MYLK4: variants seen among roughly 807,000 people sequenced by gnomAD.
The protein encoded by MYLK4 is myosin light chain kinase family member 4, also known as caMLCK like.
In MYLK4, 46 loss-of-function variants were observed where a neutral mutation model predicts 48.1. The observed-to-expected ratio is 0.96, with a 90% CI of 0.75 to 1.22. The LOEUF is 1.22. MYLK4 is among the 50% of genes most tolerant of loss of function. The probability of loss-of-function intolerance (pLI) is 0.00; values close to 1 mark genes in which losing one functional copy is unlikely to be tolerated. For missense variants in MYLK4, 451 were observed against 486.1 expected, an observed-to-expected ratio of 0.93 and a Z score of 0.68; for synonymous variants, 170 against 180.8, an observed-to-expected ratio of 0.94 and a Z score of 0.48.
chr6:2,726,053 T>C (rs1212851845), intron 2 of MYLK4, among the ~76,000 whole-genome samples: 3 of 152,118 alleles, frequency 2.0e-5, no homozygotes, highest in African/African-American at 7.2e-5. Flanking sequence ...TTCCAAGGAG[T>C]AAGCAGTGGC....
the MYLK4 span, among the ~76,000 whole-genome samples, chr6:2,769,035 C>T: frequency 6.6e-6 from 1 of 152,208 alleles, no homozygotes; most frequent in African/African-American, 2.4e-5. Context: ...TTTCTCCATA[C>T]ATTTCTTAGT....
At chr6:2,669,313 G>A (rs561680043) in intron 12 of MYLK4, among the ~76,000 whole-genome samples, 9 of 152,286 alleles carry the variant, frequency 5.9e-5, no homozygotes, top group South Asian at 2.1e-4. Flanking sequence ...TGCTGTCTGC[G>A]TCCTCTGCAC....
intron 8 of MYLK4, 101 bp downstream of exon 8, chr6:2,680,120 G>C (rs989889654): frequency 6.2e-6 from 8 of 1,298,666 alleles, no homozygotes; most frequent in African/African-American, 1.5e-5. Context: ...TTATAAATGA[G>C]ATCATGAAAC....
chr6:2,750,225 A>G (rs1764246583), intron 1 of MYLK4, among the ~76,000 whole-genome samples: 1 of 152,192 alleles, frequency 6.6e-6, no homozygotes, highest in Non-Finnish European at 1.5e-5. Flanking sequence ...TTCTCCGCTT[A>G]AAAACCGTAT....
intron 3 of MYLK4, among the ~76,000 whole-genome samples, chr6:2,689,857 G>C (rs1355466817): frequency 2.0e-5 from 3 of 152,208 alleles, no homozygotes; most frequent in African/African-American, 7.2e-5. Context: ...CAGGCACTCT[G>C]CCAAGTGTTA....
At chr6:2,763,281 T>C in the MYLK4 span, among the ~76,000 whole-genome samples, 44,112 of 152,220 alleles carry the variant, frequency 0.29, 6,579 homozygotes, top group East Asian at 0.4. Context: ...CTCCCATTAA[T>C]TTCTGAACTG....
intron 2 of MYLK4, among the ~76,000 whole-genome samples, chr6:2,721,092 C>T (rs1286555201): frequency 6.6e-6 from 1 of 152,084 alleles, no homozygotes; most frequent in Non-Finnish European, 1.5e-5. Context: ...ACTTGGGGGG[C>T]AGAGGTTGCA....
chr6:2,669,072 T>TA (rs145455007), intron 12 of MYLK4, among the ~76,000 whole-genome samples: 22,718 of 148,626 alleles, frequency 0.15, 2,265 homozygotes, highest in East Asian at 0.44. Context: ...TGTCTCTAAT[T>TA]AAAAAAAAAA....
chr6:2,730,591 G>A (rs892506359), intron 2 of MYLK4, among the ~76,000 whole-genome samples: 4 of 152,088 alleles, frequency 2.6e-5, no homozygotes, highest in Admixed American at 6.5e-5. Context: ...GGCAGTGTAG[G>A]AATCCCCTGT....
the MYLK4 span, among the ~76,000 whole-genome samples, chr6:2,763,322 C>T: frequency 3.3e-5 from 5 of 152,244 alleles, no homozygotes; most frequent in African/African-American, 1.2e-4. Context: ...TTGCTAGTCC[C>T]ACGTAATGAG....
At chr6:2,743,738 C>A (rs1190192557) in intron 2 of MYLK4, among the ~76,000 whole-genome samples, 1 of 152,162 alleles carries the variant, frequency 6.6e-6, no homozygotes, top group Non-Finnish European at 1.5e-5. Flanking sequence ...TTGAAATGTG[C>A]CACATGCCAC....
chr6:2,703,711 G>A lies in MYLK4; in HGVS notation c.160-10852C>T, dbSNP rs189881920. ...TTTTGAGACGGAGTCTTGCTGTGTC[G>A]CCAGGCTGGAGTGCAGTAGCACGAT... On this transcript the variant is annotated intron_variant, in intron 2 of 12. Transcript: ENST00000274643. Among the ~76,000 whole-genome samples, 237 of 117,456 alleles carry A rather than the reference G, an allele frequency of 2.0e-3. 1 individual carries two copies. Among genetic ancestry groups the A allele is most frequent in the African/African-American group, 7.4e-3 (224 of 30,068 alleles). The allele number at this position is 117,456 out of a possible 152,430, so 77.1% of individuals were successfully genotyped here. A position where few individuals can be genotyped will look rare whatever the true frequency, so the allele number is the denominator to read the frequency against.
chr6:2,680,105 A>T, intron 8 of MYLK4, 116 bp downstream of exon 8: 1 of 1,225,270 alleles, frequency 8.2e-7, no homozygotes, highest in Non-Finnish European at 1.1e-6. Context: ...TTTTTGTTAA[A>T]TTAATTATAA....
the MYLK4 span, among the ~76,000 whole-genome samples, chr6:2,763,741 T>TA: frequency 6.6e-6 from 1 of 152,158 alleles, no homozygotes; most frequent in Non-Finnish European, 1.5e-5. Context: ...CTGAAGGGTT[T>TA]CGCAACCACG....
In MYLK4 at chr6:2,672,180, A is replaced by G. The variant is rs1254951657; in HGVS notation, c.1120-832T>C. 6.6e-6 allele frequency among the ~76,000 whole-genome samples: 1 copy of G among 152,218 alleles called. No homozygotes were observed. Among genetic ancestry groups the G allele is most frequent in the Non-Finnish European group, 1.5e-5 (1 of 68,032 alleles). ...TTCTTAGCTCTGGGGGAAAGAAAAC[A>G]TGTCAAATTTGTGTCGTGTTCCTTC... On this transcript the variant is annotated intron_variant, in intron 11 of 12. Transcript: ENST00000274643. This position sits in a 1 kb window ranked among gnomAD's most constrained non-coding sequence, Gnocchi z 4.3.
the MYLK4 span, among the ~76,000 whole-genome samples, chr6:2,758,773 C>T: frequency 6.6e-6 from 1 of 152,114 alleles, no homozygotes; most frequent in Non-Finnish European, 1.5e-5. Flanking sequence ...TTAAAACTGT[C>T]TGTAACCCAT....
rs1760700465 is a variant in MYLK4 at position 2,667,400 on chromosome 6, T to C, written c.*525A>G. On this transcript the variant is annotated 3_prime_UTR_variant, in exon 13 of 13. Transcript: ENST00000274643. ...CACGTGACCACAGACCAAATCAAAATGACAGAGTCTGTGAAACTAAGTCTC... is the reference window on the plus strand; with the variant it reads ...CACGTGACCACAGACCAAATCAAAACGACAGAGTCTGTGAAACTAAGTCTC... 6.6e-6 allele frequency: 1 copy of C among 152,186 alleles called. No homozygotes were observed. Among genetic ancestry groups the C allele is most frequent in the African/African-American group, 2.4e-5 (1 of 41,440 alleles). 9.4% of individuals were successfully genotyped at this position (152,186 alleles called of 1,614,324 possible). A position where few individuals can be genotyped will look rare whatever the true frequency, so the allele number is the denominator to read the frequency against.
chr6:2,748,361 C>G (rs1188986005), intron 2 of MYLK4, among the ~76,000 whole-genome samples: 1 of 152,144 alleles, frequency 6.6e-6, no homozygotes, highest in African/African-American at 2.4e-5. Flanking sequence ...TGTTCAAAAC[C>G]ACCACATGTG....
chr6:2,728,066 C>G (rs1273233970), intron 2 of MYLK4, among the ~76,000 whole-genome samples: 1 of 151,902 alleles, frequency 6.6e-6, no homozygotes, highest in African/African-American at 2.4e-5. Context: ...ATTCTACACA[C>G]AATTAAACTG....
Sources: allele counts gnomAD v4.1 joint callset (sites outside exome capture counted in the v4.1 genomes callset), GRCh38; gene constraint gnomAD v4.1.1; non-coding constraint Gnocchi (gnomAD v3.1); transcripts MANE v1.5; gene names NCBI Gene and HGNC (gene_info 2026-07-23, HGNC 2026-07-21).